The following SEPTIN10 variants were observed in gnomAD, a reference collection of about 807,000 sequenced individuals.
The protein encoded by SEPTIN10 is septin-10.
In SEPTIN10, 66 loss-of-function variants were observed where a neutral mutation model predicts 54.8. The observed-to-expected ratio is 1.21, with a 90% CI of 0.99 to 1.48. The LOEUF is 1.48. Among genes scored for constraint, SEPTIN10 ranks in the 40% most tolerant of loss-of-function variants. The probability of loss-of-function intolerance (pLI) is 0.00; values close to 1 mark genes in which losing one functional copy is unlikely to be tolerated. For synonymous variants in SEPTIN10, 161 were observed against 181.0 expected (o/e 0.89, Z 0.89); for missense variants, 620 against 545.6 (o/e 1.14, Z -1.36).
intron 9 of SEPTIN10, among the ~76,000 whole-genome samples, chr2:109,547,167 C>A (rs745897207): frequency 4.6e-5 from 7 of 152,206 alleles, no homozygotes; most frequent in Non-Finnish European, 1.0e-4. Flanking sequence ...TACTGACTAG[C>A]CTTCATCTGC....
At chr2:109,572,946 G>C (rs1688757378) in intron 5 of SEPTIN10, among the ~76,000 whole-genome samples, 1 of 151,990 alleles carries the variant, frequency 6.6e-6, no homozygotes, top group African/African-American at 2.4e-5. Context: ...TAAGAGGCAG[G>C]TATTTTTACA....
At chr2:109,608,165 T>C (rs935540950) in intron 1 of SEPTIN10, among the ~76,000 whole-genome samples, 5 of 152,212 alleles carry the variant, frequency 3.3e-5, no homozygotes, top group African/African-American at 1.2e-4. Context: ...AATTCTGGAC[T>C]AATTTAGAGC....
Position 109,613,941 on chromosome 2 carries a change from T to C in SEPTIN10, c.-114A>G. 1 of 1,216,610 alleles carries C rather than the reference T, an allele frequency of 8.2e-7. No individual in the cohort carries two copies. The highest frequency in any genetic ancestry group is 1.0e-6 in the Non-Finnish European group (1 of 978,172). 75.4% of individuals were successfully genotyped at this position (1,216,610 alleles called of 1,614,324 possible). A position where few individuals can be genotyped will look rare whatever the true frequency, so the allele number is the denominator to read the frequency against. Reference sequence around the variant, plus strand: ...AGAAGCAACGGGCGGGGCGCGAGGCTAGGCTGCCTCCGCGACGGGGAAGGG... The same window carrying C: ...AGAAGCAACGGGCGGGGCGCGAGGCCAGGCTGCCTCCGCGACGGGGAAGGG... On this transcript the variant is annotated 5_prime_UTR_variant, in exon 1 of 11. Transcript: ENST00000397712.
intron 4 of SEPTIN10, among the ~76,000 whole-genome samples, chr2:109,582,026 T>C (rs915144284): frequency 2.0e-5 from 3 of 151,640 alleles, no homozygotes; most frequent in Admixed American, 2.0e-4. Context: ...TGTATATCAA[T>C]AATGGTCAAG....
chr2:109,562,839 G>C (rs942332939), intron 8 of SEPTIN10, among the ~76,000 whole-genome samples: 4 of 152,092 alleles, frequency 2.6e-5, no homozygotes, highest in African/African-American at 9.7e-5. Flanking sequence ...GTCAGTTTAC[G>C]AGAATGACTG....
rs929419681 is a variant in SEPTIN10 at position 109,565,784 on chromosome 2, A to C, written c.838T>G (p.Tyr280Asp). Residue 280 changes from tyrosine (Y) to aspartate (D), a missense_variant, in exon 7 of 11, where the codon TAC (tyrosine) becomes GAC (aspartate). Physicochemically the swap from Tyr to Asp is radical, Grantham distance 160. Coordinates refer to ENST00000397712, the MANE Select transcript of SEPTIN10 (RefSeq NM_144710.5). ...VGNKMVKARQ[Y>D]PWGVVQVENE... ...TTACCTTGTACAACACCCCAAGGGTACTGGCGAGCTTTGACCATCTTGTTT... is the reference window on the plus strand; with the variant it reads ...TTACCTTGTACAACACCCCAAGGGTCCTGGCGAGCTTTGACCATCTTGTTT... 1.9e-6 allele frequency: 3 copies of C among 1,613,906 alleles called. No homozygotes were observed. In the African/African-American group the frequency reaches 4.0e-5, roughly 22 times the overall value.
At chr2:109,584,121 T>G (rs1222788425) in intron 4 of SEPTIN10, among the ~76,000 whole-genome samples, 1 of 152,032 alleles carries the variant, frequency 6.6e-6, no homozygotes, top group Non-Finnish European at 1.5e-5. Context: ...AACCTGCAAA[T>G]GTACCCCAAA....
At chr2:109,582,075 GACACACACACACACACAC>G (rs55880328) in intron 4 of SEPTIN10, among the ~76,000 whole-genome samples, 16 of 143,884 alleles carry the variant, frequency 1.1e-4, no homozygotes, top group African/African-American at 3.0e-4. Context: ...ATGTACAACA[GACACACACACACACACAC>G]ACACACACAC....
At chr2:109,587,450 T>G (rs1692821408) in intron 2 of SEPTIN10, among the ~76,000 whole-genome samples, 1 of 150,968 alleles carries the variant, frequency 6.6e-6, no homozygotes, top group South Asian at 2.1e-4. Context: ...AAGGTGAAAG[T>G]GGGGGGTAGG....
At chr2:109,602,011 C>T (rs996840291) in intron 1 of SEPTIN10, among the ~76,000 whole-genome samples, 2 of 152,094 alleles carry the variant, frequency 1.3e-5, no homozygotes, top group African/African-American at 4.8e-5. Context: ...GATTTTGACA[C>T]AAGGAAGGGA....
chr2:109,607,275 CTGAG>C (rs1381044923), intron 1 of SEPTIN10, among the ~76,000 whole-genome samples: 3 of 152,184 alleles, frequency 2.0e-5, no homozygotes, highest in Non-Finnish European at 4.4e-5. Flanking sequence ...AGCTAAGGTC[CTGAG>C]TAAGTTCTTG....
intron 2 of SEPTIN10, among the ~76,000 whole-genome samples, chr2:109,592,190 C>T (rs901563648): frequency 1.3e-5 from 2 of 151,306 alleles, no homozygotes; most frequent in African/African-American, 2.4e-5. Context: ...AACGGCCGGG[C>T]GTGGTGGCTC....
intron 8 of SEPTIN10, among the ~76,000 whole-genome samples, chr2:109,554,398 C>T (rs570864806): frequency 6.6e-6 from 1 of 152,276 alleles, no homozygotes; most frequent in South Asian, 2.1e-4. Flanking sequence ...TGTATTCATT[C>T]ATTCATTCTC....
At chr2:109,545,724 A>G in intron 10 of SEPTIN10, 2 of 1,442,858 alleles carry the variant, frequency 1.4e-6, no homozygotes, top group Non-Finnish European at 1.8e-6. Flanking sequence ...TTAGCTGTGT[A>G]CTAGGGCCAC....
chr2:109,558,611 G>T (rs189825424), intron 8 of SEPTIN10, among the ~76,000 whole-genome samples: 2 of 152,080 alleles, frequency 1.3e-5, no homozygotes, highest in African/African-American at 4.8e-5. Flanking sequence ...TGCTATTTAC[G>T]TGGGCCTCGT....
intron 9 of SEPTIN10, among the ~76,000 whole-genome samples, chr2:109,548,926 G>C (rs992438089): frequency 1.3e-5 from 2 of 152,146 alleles, no homozygotes; most frequent in African/African-American, 4.8e-5. Flanking sequence ...CTGTGAGCCA[G>C]TGACCACCTG....
chr2:109,599,671 C>T (rs892989808), intron 1 of SEPTIN10, among the ~76,000 whole-genome samples: 5 of 152,052 alleles, frequency 3.3e-5, no homozygotes, highest in African/African-American at 1.2e-4. Flanking sequence ...AGGATAACTG[C>T]AAATTCTACT....
chr2:109,574,505 TCC>T, intron 5 of SEPTIN10, 74 bp downstream of exon 5: 1 of 750,986 alleles, frequency 1.3e-6, no homozygotes, highest in Non-Finnish European at 1.9e-6. Flanking sequence ...ACAATATATA[TCC>T]ATATTGTAAA....
At chr2:109,588,586 C>A (rs1693151937) in intron 2 of SEPTIN10, among the ~76,000 whole-genome samples, 1 of 152,008 alleles carries the variant, frequency 6.6e-6, no homozygotes, top group South Asian at 2.1e-4. Flanking sequence ...CTCCGCCCCC[C>A]AGGTTCAAGG....
Sources: allele counts gnomAD v4.1 joint callset (sites outside exome capture counted in the v4.1 genomes callset), GRCh38; gene constraint gnomAD v4.1.1; transcripts MANE v1.5; gene names NCBI Gene and HGNC (gene_info 2026-07-23, HGNC 2026-07-21).